Variants in UBE4B observed in about 807,000 individuals in gnomAD.
UBE4B encodes the protein ubiquitination factor E4B, also known as ubiquitin conjugation factor E4 B.
In UBE4B, 27 loss-of-function variants were observed where a neutral mutation model predicts 148.1. The ratio of observed to expected loss-of-function variants is 0.18; its 90% CI spans 0.13 to 0.25. The LOEUF is 0.25. UBE4B is among the 10% of genes least tolerant of loss of function. The probability of loss-of-function intolerance (pLI) is 1.00; values close to 1 mark genes in which losing one functional copy is unlikely to be tolerated. For synonymous variants in UBE4B, 596 were observed against 619.3 expected (o/e 0.96, Z 0.56); for missense variants, 1,170 against 1,662.4 (o/e 0.70, Z 5.15).
At position 10,088,291 on chromosome 1, in the gene UBE4B, C is replaced by T. The variant is rs183546233; in HGVS notation, c.212-7170C>T. Among the ~76,000 whole-genome samples, 173 of 152,246 alleles carry T rather than the reference C, an allele frequency of 1.1e-3. 1 individual carries two copies. The highest frequency in any genetic ancestry group is 3.9e-3 in the African/African-American group (164 of 41,556). On this transcript the variant is annotated intron_variant, in intron 2 of 27. Coordinates refer to ENST00000343090, the MANE Select transcript of UBE4B (RefSeq NM_001105562.3). ...GAAGATCAAAGTGATTTTCTAATTC[C>T]GGCTGTTGGTTTTCTTATCCCAGTA... is the stretch of plus-strand genomic sequence containing the variant.
chr1:10,106,331 C>T lies in UBE4B; in HGVS notation c.944C>T (p.Ala315Val), dbSNP rs200554034. 1.4e-5 allele frequency: 23 copies of T among 1,614,176 alleles called. No individual in the cohort carries two copies. In the East Asian group the frequency reaches 4.5e-4, roughly 31 times the overall value. The change falls in exon 7 of 28, where the codon GCA (alanine) becomes GTA (valine). Residue 315 changes from alanine to valine, a missense_variant. By Grantham distance (64) the Ala-to-Val change is moderately conservative. Coordinates refer to ENST00000343090, the MANE Select transcript of UBE4B (RefSeq NM_001105562.3). This position sits in a 1 kb window ranked among gnomAD's most constrained non-coding sequence, Gnocchi z 4.2. Reference sequence around the variant, plus strand: ...TCCACTCCCCTCAGTCCTCACAGTGCAGCCTCTGGAACTGCTGCGGGAAGC... The same window carrying T: ...TCCACTCCCCTCAGTCCTCACAGTGTAGCCTCTGGAACTGCTGCGGGAAGC... ...VPSTPLSPHS[A>V]ASGTAAGSQP...
In UBE4B at chr1:10,105,663, T is replaced by C; in HGVS notation, c.728T>C (p.Leu243Pro). 6.2e-7 allele frequency: 1 copy of C among 1,614,196 alleles called. No homozygotes were observed. Among genetic ancestry groups the C allele is most frequent in the Non-Finnish European group, 8.5e-7 (1 of 1,180,032 alleles). The change falls in exon 6 of 28, where the codon CTC (leucine) becomes CCC (proline). Residue 243 changes from leucine to proline, a missense_variant. By Grantham distance (98) the Leu-to-Pro change is moderately conservative. Coordinates refer to ENST00000343090, the MANE Select transcript of UBE4B (RefSeq NM_001105562.3). ...AAAARSPDRN[L>P]LLNTGSNPGT... Reference sequence around the variant, plus strand: ...GCAGCACGGTCACCAGACAGAAATCTCTTGCTAAACACTGGCTCCAATCCA... The same window carrying C: ...GCAGCACGGTCACCAGACAGAAATCCCTTGCTAAACACTGGCTCCAATCCA...
intron 1 of UBE4B, among the ~76,000 whole-genome samples, chr1:10,063,868 A>ATTT (rs1644334593): frequency 6.6e-6 from 1 of 151,730 alleles, no homozygotes; most frequent in Non-Finnish European, 1.5e-5. Flanking sequence ...AGACCATGCC[A>ATTT]TTGCACTTCA....
At chr1:10,035,389 GTTTTTTTTTT>G (rs533941719) in intron 1 of UBE4B, among the ~76,000 whole-genome samples, 4 of 65,860 alleles carry the variant, frequency 6.1e-5, no homozygotes, top group South Asian at 1.4e-3. Flanking sequence ...CAGAGATACT[GTTTTTTTTTT>G]TTTTTTTTTT....
intron 7 of UBE4B, among the ~76,000 whole-genome samples, chr1:10,117,036 C>A (rs1010857500): frequency 6.6e-6 from 1 of 152,156 alleles, no homozygotes; most frequent in South Asian, 2.1e-4. Context: ...GTAGAAGTCA[C>A]AAAGATGAGG....
At position 10,106,462 on chromosome 1, in the gene UBE4B, A is replaced by G; in HGVS notation, c.1075A>G (p.Ser359Gly). ...CCCAAGTCCCCCTGCCCTCGCCAGT[A>G]GCCCCCAAGCAGTGCCCGCCAGCAG... ...SSPSPPALAS[S>G]PQAVPASSSR... The change falls in exon 7 of 28, where the codon AGC becomes GGC. Residue 359 changes from serine (S) to glycine (G), a missense_variant. Physicochemically the swap from Ser to Gly is moderately conservative, Grantham distance 56 (BLOSUM62 0). Transcript: ENST00000343090. This position sits in a 1 kb window ranked among gnomAD's most constrained non-coding sequence, Gnocchi z 4.2. 6.2e-7 allele frequency: 1 copy of G among 1,613,904 alleles called. No homozygotes were observed. Among genetic ancestry groups the G allele is most frequent in the Non-Finnish European group, 8.5e-7 (1 of 1,179,984 alleles).
At chr1:10,067,070 G>A (rs1302342061) in intron 1 of UBE4B, among the ~76,000 whole-genome samples, 2 of 152,040 alleles carry the variant, frequency 1.3e-5, no homozygotes, top group Non-Finnish European at 2.9e-5. Context: ...ACTTATAACA[G>A]TGTTTTGTGG....
chr1:10,035,896 A>T (rs1438518151), intron 1 of UBE4B, among the ~76,000 whole-genome samples: 1 of 148,300 alleles, frequency 6.7e-6, no homozygotes, highest in Non-Finnish European at 1.5e-5. Context: ...GGCGCCCGCC[A>T]CCACGCCCGG....
chr1:10,162,781 C>T (rs1157899331), intron 23 of UBE4B, among the ~76,000 whole-genome samples: 1 of 152,080 alleles, frequency 6.6e-6, no homozygotes, highest in Non-Finnish European at 1.5e-5. Context: ...CTCACTCCTC[C>T]CTCACTCCCC....
intron 1 of UBE4B, among the ~76,000 whole-genome samples, chr1:10,071,692 G>A (rs1557528613): frequency 6.6e-6 from 1 of 152,140 alleles, no homozygotes; most frequent in East Asian, 1.9e-4. Flanking sequence ...ATTTATGTAT[G>A]TATTTATGTA....
At chr1:10,167,832 G>A (rs376388542) in intron 23 of UBE4B, among the ~76,000 whole-genome samples, 1 of 152,002 alleles carries the variant, frequency 6.6e-6, no homozygotes, top group African/African-American at 2.4e-5. Context: ...CTCGTGATTC[G>A]CCCACCTTGG....
At chr1:10,100,008 G>A (rs566316119) in intron 3 of UBE4B, among the ~76,000 whole-genome samples, 2 of 151,006 alleles carry the variant, frequency 1.3e-5, no homozygotes, top group African/African-American at 4.9e-5. Flanking sequence ...TTATTTTTTT[G>A]AGATGGAGTC....
intron 10 of UBE4B, among the ~76,000 whole-genome samples, chr1:10,125,555 T>C (rs1645479637): frequency 6.6e-6 from 1 of 152,204 alleles, no homozygotes; most frequent in Non-Finnish European, 1.5e-5. Flanking sequence ...GGAATGAAAT[T>C]AGTAGGAAAG....
At chr1:10,104,581 G>T (rs796361295) in intron 5 of UBE4B, among the ~76,000 whole-genome samples, 1 of 152,252 alleles carries the variant, frequency 6.6e-6, no homozygotes, top group South Asian at 2.1e-4. Flanking sequence ...AAAGTCCTTT[G>T]TATTTCTGGA....
intron 9 of UBE4B, 52 bp from the exon 10 acceptor site, chr1:10,121,910 C>G: frequency 8.1e-7 from 1 of 1,232,376 alleles, no homozygotes; most frequent in Non-Finnish European, 1.2e-6. Flanking sequence ...ATTTCACGTG[C>G]CTCTGTAGTG....
chr1:10,137,061 TCCTAGATGG>T lies in UBE4B; in HGVS notation c.2225-4_2229del. The T allele has an allele frequency of 6.2e-7, 1 of 1,614,178 alleles. No individual in the cohort carries two copies. Among genetic ancestry groups the T allele is most frequent in the African/African-American group, 1.3e-5 (1 of 75,066 alleles). ...TTTATTTAGGGAATGATGTTATTTT[TCCTAGATGG>T]CGATCAGCCTCCATTTTCTGAGCCG... On this transcript the variant is annotated splice_acceptor_variant and splice_polypyrimidine_tract_variant and coding_sequence_variant and intron_variant, in exon 17 of 28. Coordinates refer to ENST00000343090, the MANE Select transcript of UBE4B (RefSeq NM_001105562.3). LOFTEE classifies it high-confidence loss of function.
At chr1:10,108,099 T>C (rs998640352) in intron 7 of UBE4B, among the ~76,000 whole-genome samples, 2 of 152,056 alleles carry the variant, frequency 1.3e-5, no homozygotes, top group Non-Finnish European at 2.9e-5. Context: ...TACAGTTGCA[T>C]GAATTGCTGC....
At chr1:10,159,680 G>A (rs916231386) in intron 22 of UBE4B, among the ~76,000 whole-genome samples, 9 of 150,440 alleles carry the variant, frequency 6.0e-5, no homozygotes, top group African/African-American at 2.0e-4. Flanking sequence ...GTGAGACTCC[G>A]TCTCAAATAA....
At chr1:10,090,589 T>C (rs2101865460) in intron 2 of UBE4B, among the ~76,000 whole-genome samples, 1 of 152,258 alleles carries the variant, frequency 6.6e-6, no homozygotes, top group Admixed American at 6.5e-5. Flanking sequence ...TTGAGGCGTT[T>C]TGGTTTTTTA....
Sources: allele counts gnomAD v4.1 joint callset (sites outside exome capture counted in the v4.1 genomes callset), GRCh38; gene constraint gnomAD v4.1.1; non-coding constraint Gnocchi (gnomAD v3.1); transcripts MANE v1.5; gene names NCBI Gene and HGNC (gene_info 2026-07-23, HGNC 2026-07-21).